The following RIMKLB variants were observed in gnomAD, a reference collection of about 807,000 sequenced individuals.
The protein encoded by RIMKLB is beta-citrylglutamate synthase B.
RIMKLB carries 7 observed loss-of-function variants against 32.0 expected under a neutral mutation model. That is an observed-to-expected ratio of 0.22 (90% CI 0.12 to 0.41). RIMKLB has a LOEUF of 0.41. RIMKLB is among the 10% of genes least tolerant of loss of function. RIMKLB has a pLI of 1.00. For synonymous variants in RIMKLB, 172 were observed against 185.1 expected (o/e 0.93, Z 0.57); for missense variants, 289 against 498.7 (o/e 0.58, Z 4.00).
intron 1 of RIMKLB, chr12:8,681,901 T>C (rs1347988562): frequency 6.6e-6 from 1 of 152,148 alleles, no homozygotes; most frequent in East Asian, 1.9e-4. Context: ...AACCCCCAAA[T>C]TTATAGCTGG....
intron 1 of RIMKLB, among the ~76,000 whole-genome samples, chr12:8,683,244 G>C (rs1340188339): frequency 6.6e-6 from 1 of 152,164 alleles, no homozygotes; most frequent in Non-Finnish European, 1.5e-5. Context: ...TTTTGTGTGG[G>C]CACTAAGTTT....
At chr12:8,741,627 A>G (rs529904701) in intron 2 of RIMKLB, among the ~76,000 whole-genome samples, 1 of 151,102 alleles carries the variant, frequency 6.6e-6, no homozygotes, top group South Asian at 2.1e-4. Context: ...AAAAATCCAA[A>G]AAATTAGCCT....
chr12:8,713,987 T>A lies in RIMKLB; in HGVS notation c.121T>A (p.Phe41Ile), dbSNP rs1420343502. Residue 41 changes from phenylalanine (F) to isoleucine (I), a missense_variant, in exon 2 of 6, where the codon TTT (phenylalanine) becomes ATT (isoleucine). Phe to Ile is a conservative substitution (Grantham distance 21, BLOSUM62 0). Around this residue, in one of 3 missense-constraint regions of RIMKLB, gnomAD observed 156 missense variants for 329.5 expected, o/e 0.47. Transcript: ENST00000535829. ...KAKCCEEELD[F>I]RAVVMDEVVL... Reference sequence around the variant, plus strand: ...CAAATGTTGTGAGGAGGAACTGGACTTTAGGGCTGTGGTGATGGATGAGGT... The same window carrying A: ...CAAATGTTGTGAGGAGGAACTGGACATTAGGGCTGTGGTGATGGATGAGGT... The A allele has an allele frequency of 1.2e-6, 2 of 1,614,024 alleles. No individual in the cohort carries two copies. Among genetic ancestry groups the A allele is most frequent in the Admixed American group, 1.7e-5 (1 of 59,984 alleles).
intron 5 of RIMKLB, among the ~76,000 whole-genome samples, chr12:8,755,795 A>T (rs947098677): frequency 1.3e-5 from 2 of 152,120 alleles, no homozygotes; most frequent in African/African-American, 4.8e-5. Flanking sequence ...GATCATCCTG[A>T]CCTCAAGGTT....
At chr12:8,673,817 G>A in the RIMKLB span, among the ~76,000 whole-genome samples, 2 of 151,980 alleles carry the variant, frequency 1.3e-5, no homozygotes, top group African/African-American at 4.8e-5. Flanking sequence ...GACTAGTCTC[G>A]AATTCCTGAC....
chr12:8,670,817 A>C, the RIMKLB span, among the ~76,000 whole-genome samples: 1 of 152,252 alleles, frequency 6.6e-6, no homozygotes, highest in Non-Finnish European at 1.5e-5. Context: ...CCCCTGCAGC[A>C]AACTTTTGCT....
the RIMKLB span, among the ~76,000 whole-genome samples, chr12:8,675,642 G>A: frequency 1.3e-5 from 2 of 152,330 alleles, no homozygotes; most frequent in Non-Finnish European, 2.9e-5. Context: ...GCTTTGTGAA[G>A]TCAGGAAGTT....
chr12:8,773,604 G>C lies in RIMKLB; in HGVS notation c.981G>C (p.Glu327Asp). 6.2e-7 allele frequency: 1 copy of C among 1,614,268 alleles called. No homozygotes were observed. Among genetic ancestry groups the C allele is most frequent in the Non-Finnish European group, 8.5e-7 (1 of 1,180,054 alleles). The stretch of plus-strand genomic sequence containing the variant: ...TCTCCGTGGTGTCCACTGCCAGTGA[G>C]ACTAGTGAGCCGGAGCTGGGTCCCC... Reference protein sequence around the residue: ...SLLSVVSTASETSEPELGPPA... With the variant: ...SLLSVVSTASDTSEPELGPPA... The change falls in exon 6 of 6, where the codon GAG becomes GAC. Residue 327 changes from glutamate (E) to aspartate (D), a missense_variant. Transcript: ENST00000535829.
At chr12:8,745,083 G>A (rs1463540638) in intron 2 of RIMKLB, among the ~76,000 whole-genome samples, 3 of 151,878 alleles carry the variant, frequency 2.0e-5, no homozygotes, top group African/African-American at 7.3e-5. Context: ...CTGTGAGTGA[G>A]AACATGCAGT....
upstream of RIMKLB, among the ~76,000 whole-genome samples, chr12:8,693,459 C>A (rs963290391): frequency 6.6e-6 from 1 of 150,846 alleles, no homozygotes; most frequent in African/African-American, 2.4e-5. Context: ...TGCAGTGGCA[C>A]TATCTCAGCT....
intron 2 of RIMKLB, among the ~76,000 whole-genome samples, chr12:8,719,356 G>GT (rs1565572791): frequency 3.3e-5 from 5 of 151,986 alleles, no homozygotes; most frequent in African/African-American, 1.2e-4. Context: ...AATTAAGCTG[G>GT]GTTTTTTTGT....
At chr12:8,702,899 A>T (rs967643330) in intron 1 of RIMKLB, among the ~76,000 whole-genome samples, 1 of 152,180 alleles carries the variant, frequency 6.6e-6, no homozygotes, top group African/African-American at 2.4e-5. Flanking sequence ...AAACTTGGGG[A>T]CTTTGTACTG....
chr12:8,714,233 T>A, intron 2 of RIMKLB, 192 bp downstream of exon 2: 1 of 510,482 alleles, frequency 2.0e-6, no homozygotes, highest in Non-Finnish European at 3.4e-6. Context: ...GAAACAGTTG[T>A]GAGGGAAATT....
intron 2 of RIMKLB, among the ~76,000 whole-genome samples, chr12:8,739,074 AAG>A (rs1382234932): frequency 1.3e-5 from 2 of 152,206 alleles, no homozygotes; most frequent in Non-Finnish European, 2.9e-5. Flanking sequence ...GCTTCTAGAA[AAG>A]ACTTTTTTAA....
intron 2 of RIMKLB, among the ~76,000 whole-genome samples, chr12:8,726,268 A>G (rs968484301): frequency 1.3e-5 from 2 of 152,216 alleles, no homozygotes; most frequent in African/African-American, 4.8e-5. Flanking sequence ...GGTATCTCTC[A>G]CTGTTAAAAT....
the RIMKLB span, among the ~76,000 whole-genome samples, chr12:8,669,680 A>C: frequency 6.6e-6 from 1 of 152,048 alleles, no homozygotes; most frequent in Non-Finnish European, 1.5e-5. Context: ...GAAAAGAAAA[A>C]ATAAAGAAGA....
At chr12:8,715,538 G>T (rs1366930684) in intron 2 of RIMKLB, among the ~76,000 whole-genome samples, 9 of 152,016 alleles carry the variant, frequency 5.9e-5, no homozygotes, top group Admixed American at 5.2e-4. Flanking sequence ...TTGTTCTCTT[G>T]AATGTAGTTA....
At chr12:8,753,788 G>C (rs1948807142) in intron 4 of RIMKLB, 102 bp from the exon 5 acceptor site, 2 of 872,928 alleles carry the variant, frequency 2.3e-6, no homozygotes, top group Middle Eastern at 2.2e-4. Context: ...AAATGTAGTT[G>C]GTTCTGAAAT....
chr12:8,777,230 T>TC (rs1555093930), downstream of RIMKLB: 1 of 972,462 alleles, frequency 1.0e-6, no homozygotes, highest in Non-Finnish European at 1.2e-6. Flanking sequence ...TTTTTTTTTT[T>TC]TTTTTTTTTT....
Sources: gnomAD v4.1 joint callset for allele counts (sites outside exome capture counted in the v4.1 genomes callset) on GRCh38, gnomAD v4.1.1 for gene constraint, gnomAD v4.1.1 regional missense constraint, MANE v1.5 for transcripts, NCBI Gene and HGNC (gene_info 2026-07-23, HGNC 2026-07-21) for gene names.